The following ARHGAP26 variants were observed in gnomAD, a reference collection of about 807,000 sequenced individuals.
ARHGAP26 encodes the protein rho GTPase-activating protein 26.
ARHGAP26 carries 38 observed loss-of-function variants against 104.8 expected under a neutral mutation model. That is an observed-to-expected ratio of 0.36 (90% CI 0.28 to 0.48). ARHGAP26 has a LOEUF of 0.48. ARHGAP26 is among the 20% of genes least tolerant of loss of function. The pLI is 0.99. For synonymous variants in ARHGAP26, 341 were observed against 340.0 expected, an observed-to-expected ratio of 1.00 and a Z score of -0.03; for missense variants, 704 against 947.9, an observed-to-expected ratio of 0.74 and a Z score of 3.38.
intron 2 of ARHGAP26, 153 bp from the exon 3 acceptor site, chr5:142,874,957 A>G: frequency 1.6e-6 from 1 of 635,734 alleles, no homozygotes; most frequent in Non-Finnish European, 2.8e-6. Flanking sequence ...ATGGTTAATG[A>G]TTAAAAAGAT....
intron 1 of ARHGAP26, among the ~76,000 whole-genome samples, chr5:142,800,288 T>C (rs756308934): frequency 1.3e-4 from 20 of 151,910 alleles, no homozygotes; most frequent in South Asian, 2.1e-4. Context: ...TTGGAGTCCT[T>C]CCTCCCCCTC....
intron 17 of ARHGAP26, among the ~76,000 whole-genome samples, chr5:143,066,193 A>G (rs933548504): frequency 6.6e-6 from 1 of 152,226 alleles, no homozygotes; most frequent in Non-Finnish European, 1.5e-5. Context: ...AGTGTTCAGT[A>G]CAAACATGCT....
chr5:143,117,865 G>A (rs1234503536), intron 17 of ARHGAP26, among the ~76,000 whole-genome samples: 1 of 152,206 alleles, frequency 6.6e-6, no homozygotes, highest in Non-Finnish European at 1.5e-5. Context: ...GGGAATAATT[G>A]TTTTAGGCCT....
chr5:142,894,085 G>A (rs183679480), intron 5 of ARHGAP26, among the ~76,000 whole-genome samples, 153 bp from the exon 6 acceptor site: 1 of 151,782 alleles, frequency 6.6e-6, no homozygotes, highest in African/African-American at 2.4e-5. Flanking sequence ...TTTGCATAGT[G>A]AAATAGTTAC....
At position 143,012,542 on chromosome 5, in the gene ARHGAP26, TACATACATAC is replaced by T. The variant is rs1222836714; in HGVS notation, c.1108-1536_1108-1527del. Among the ~76,000 whole-genome samples the T allele has an allele frequency of 6.4e-3, 298 of 46,420 alleles. 43 individuals are homozygous for T. Among genetic ancestry groups the T allele is most frequent in the African/African-American group, 0.016 (271 of 17,096 alleles). 30.5% of individuals were successfully genotyped at this position (46,420 alleles called of 152,430 possible). A position where few individuals can be genotyped will look rare whatever the true frequency, so the allele number is the denominator to read the frequency against. ...GAGTCACTGGAGGGATATATTTATA[TACATACATAC>T]ATATATATATATATATATATATATT... On this transcript the variant is annotated intron_variant, in intron 11 of 22. Coordinates refer to ENST00000645722, the MANE Select transcript of ARHGAP26 (RefSeq NM_001135608.3).
intron 20 of ARHGAP26, among the ~76,000 whole-genome samples, chr5:143,200,317 A>G (rs146238471): frequency 2.0e-5 from 3 of 152,342 alleles, no homozygotes; most frequent in African/African-American, 7.2e-5. Flanking sequence ...TTGACCCACT[A>G]ATTTTACTTT....
At chr5:143,216,967 C>A (rs773125832) in intron 22 of ARHGAP26, among the ~76,000 whole-genome samples, 10 of 152,258 alleles carry the variant, frequency 6.6e-5, no homozygotes, top group Admixed American at 2.0e-4. Flanking sequence ...TTACAGAACA[C>A]TATTATTCTG....
chr5:143,122,555 C>T (rs528348875), intron 18 of ARHGAP26, among the ~76,000 whole-genome samples: 4 of 152,264 alleles, frequency 2.6e-5, no homozygotes, highest in East Asian at 1.9e-4. Flanking sequence ...CTTTTATTTG[C>T]GATTCTAGAA....
At chr5:143,100,891 G>T (rs1039038043) in intron 17 of ARHGAP26, among the ~76,000 whole-genome samples, 2 of 152,130 alleles carry the variant, frequency 1.3e-5, no homozygotes, top group Non-Finnish European at 2.9e-5. Context: ...AAGAGTTCGC[G>T]ACCAGCCTGG....
chr5:142,996,195 A>T (rs1000310129), intron 11 of ARHGAP26, among the ~76,000 whole-genome samples: 2 of 152,158 alleles, frequency 1.3e-5, no homozygotes, highest in East Asian at 3.8e-4. Context: ...TATAATAAAA[A>T]ATGAAAATAG....
intron 20 of ARHGAP26, among the ~76,000 whole-genome samples, chr5:143,168,302 T>G (rs1802291632): frequency 6.6e-6 from 1 of 152,166 alleles, no homozygotes; most frequent in East Asian, 1.9e-4. Flanking sequence ...TAATGTTGTC[T>G]TCCCATTCCA....
At chr5:143,007,602 C>G (rs1433212999) in intron 11 of ARHGAP26, among the ~76,000 whole-genome samples, 1 of 152,210 alleles carries the variant, frequency 6.6e-6, no homozygotes, top group Non-Finnish European at 1.5e-5. Flanking sequence ...AGTACAGACT[C>G]TACTGTGCTC....
chr5:143,093,753 C>G (rs1441389517), intron 17 of ARHGAP26, among the ~76,000 whole-genome samples: 1 of 152,132 alleles, frequency 6.6e-6, no homozygotes, highest in Non-Finnish European at 1.5e-5. Context: ...TTCCCCTTCC[C>G]CTAGGGGAGG....
chr5:142,866,882 A>G (rs893500117), intron 1 of ARHGAP26: 1 of 152,358 alleles, frequency 6.6e-6, no homozygotes, highest in Admixed American at 6.5e-5. Flanking sequence ...TGCTCCAGCC[A>G]GATCTGAAAG....
chr5:143,192,011 C>T (rs1806003556), intron 20 of ARHGAP26, among the ~76,000 whole-genome samples: 1 of 152,194 alleles, frequency 6.6e-6, no homozygotes, highest in African/African-American at 2.4e-5. Context: ...TCTGGTAGAT[C>T]CATTTCCATT....
At chr5:143,016,913 A>AT (rs1779666742) in intron 12 of ARHGAP26, among the ~76,000 whole-genome samples, 1 of 151,960 alleles carries the variant, frequency 6.6e-6, no homozygotes, top group South Asian at 2.1e-4. Flanking sequence ...GTATCTCTTG[A>AT]TTGCAGTAAT....
At chr5:142,996,833 G>T (rs1460775033) in intron 11 of ARHGAP26, among the ~76,000 whole-genome samples, 2 of 152,172 alleles carry the variant, frequency 1.3e-5, no homozygotes, top group Admixed American at 1.3e-4. Flanking sequence ...TATGGGAATG[G>T]ATGAAATTTC....
intron 11 of ARHGAP26, among the ~76,000 whole-genome samples, chr5:142,964,903 C>T (rs963665404): frequency 1.3e-5 from 2 of 152,114 alleles, no homozygotes; most frequent in African/African-American, 4.8e-5. Context: ...CACCAATGCG[C>T]GGAGACCAGT....
At chr5:143,084,929 C>T (rs549725728) in intron 17 of ARHGAP26, among the ~76,000 whole-genome samples, 271 of 151,252 alleles carry the variant, frequency 1.8e-3, no homozygotes, top group African/African-American at 5.9e-3. Flanking sequence ...CCTGTAATCC[C>T]AGCTACTCAG....
Sources: allele counts gnomAD v4.1 joint callset (sites outside exome capture counted in the v4.1 genomes callset), GRCh38; gene constraint gnomAD v4.1.1; transcripts MANE v1.5; gene names NCBI Gene and HGNC (gene_info 2026-07-23, HGNC 2026-07-21).